UBE2G1: variants seen among roughly 807,000 people sequenced by gnomAD.
The protein encoded by UBE2G1 is ubiquitin conjugating enzyme E2 G1, also known as ubiquitin-conjugating enzyme E2 G1.
Under a neutral mutation model 22.7 loss-of-function variants are expected in UBE2G1, and 5 were observed. The ratio of observed to expected loss-of-function variants is 0.22; its 90% confidence interval spans 0.12 to 0.46. The LOEUF (loss-of-function observed/expected upper bound fraction) is 0.46, where lower values mean the gene tolerates loss of function less well. UBE2G1 is among the 20% of genes least tolerant of loss of function. The pLI is 0.99. For synonymous variants in UBE2G1, 74 were observed against 67.5 expected (o/e 1.10, Z -0.47); for missense variants, 88 against 203.9 (o/e 0.43, Z 3.46).
intron 1 of UBE2G1, among the ~76,000 whole-genome samples, chr17:4,323,917 A>C (rs1969473071): frequency 6.6e-6 from 1 of 152,174 alleles, no homozygotes; most frequent in Non-Finnish European, 1.5e-5. Flanking sequence ...TATTTAGAGC[A>C]TTTCATTTGC....
At chr17:4,341,364 T>C (rs1969710352) in intron 1 of UBE2G1, among the ~76,000 whole-genome samples, 1 of 152,168 alleles carries the variant, frequency 6.6e-6, no homozygotes, top group Non-Finnish European at 1.5e-5. Flanking sequence ...TATTTACTTC[T>C]CTACCTTCTC....
At chr17:4,296,082 TTC>T (rs1969106673) in intron 3 of UBE2G1, among the ~76,000 whole-genome samples, 1 of 151,666 alleles carries the variant, frequency 6.6e-6, no homozygotes, top group Non-Finnish European at 1.5e-5. Flanking sequence ...GTTTCATAAT[TTC>T]TGTGTTCTTT....
At chr17:4,349,522 A>C (rs1969818905) in intron 1 of UBE2G1, among the ~76,000 whole-genome samples, 1 of 144,242 alleles carries the variant, frequency 6.9e-6, no homozygotes, top group Non-Finnish European at 1.5e-5. Flanking sequence ...TAAAAAAAAA[A>C]CACGTCACAT....
intron 1 of UBE2G1, among the ~76,000 whole-genome samples, chr17:4,356,733 G>A (rs1442023561): frequency 1.3e-5 from 2 of 152,076 alleles, no homozygotes; most frequent in East Asian, 1.9e-4. Flanking sequence ...AAATTAAGAC[G>A]GAATTTCTGT....
At chr17:4,334,270 T>C (rs1191952172) in intron 1 of UBE2G1, among the ~76,000 whole-genome samples, 1 of 149,526 alleles carries the variant, frequency 6.7e-6, no homozygotes, top group Non-Finnish European at 1.5e-5. Context: ...ATTCACTGAA[T>C]GAAAAAAAAA....
chr17:4,328,523 T>C (rs899159605), intron 1 of UBE2G1, among the ~76,000 whole-genome samples: 7 of 152,212 alleles, frequency 4.6e-5, no homozygotes, highest in Admixed American at 4.6e-4. Flanking sequence ...CCCTGACTAC[T>C]GCAGAGGAGA....
At chr17:4,302,431 G>A in intron 2 of UBE2G1, 1 of 504,948 alleles carries the variant, frequency 2.0e-6, no homozygotes, top group Non-Finnish European at 4.1e-6. Flanking sequence ...GCCAACAGTG[G>A]CATCTGTAGT....
intron 2 of UBE2G1, among the ~76,000 whole-genome samples, chr17:4,302,919 C>T (rs1411502133): frequency 1.3e-5 from 2 of 152,098 alleles, no homozygotes; most frequent in African/African-American, 4.8e-5. Context: ...AAAGGCCAAC[C>T]AACAATGAAA....
intron 1 of UBE2G1, among the ~76,000 whole-genome samples, chr17:4,310,182 C>T (rs998306705): frequency 1.3e-5 from 2 of 152,164 alleles, no homozygotes; most frequent in Non-Finnish European, 2.9e-5. Context: ...TAGCCCCCTC[C>T]ATGAAGTCTT....
chr17:4,331,005 C>CACACACACACACACACAT (rs1969570728), intron 1 of UBE2G1, among the ~76,000 whole-genome samples: 1 of 151,868 alleles, frequency 6.6e-6, no homozygotes, highest in African/African-American at 2.4e-5. Flanking sequence ...CACACACACA[C>CACACACACACACACACAT]ACATTCCAAA....
intron 1 of UBE2G1, among the ~76,000 whole-genome samples, chr17:4,344,276 C>A (rs1419906296): frequency 6.6e-6 from 1 of 152,126 alleles, no homozygotes; most frequent in Non-Finnish European, 1.5e-5. Context: ...CGCGGTGGCT[C>A]GCGCCTGTAA....
chr17:4,332,700 ATC>A (rs1185884125), intron 1 of UBE2G1, among the ~76,000 whole-genome samples: 26 of 152,270 alleles, frequency 1.7e-4, no homozygotes, highest in Admixed American at 1.2e-3. Context: ...TTTAACCAGC[ATC>A]TCTCTCCAAC....
Position 4,303,050 on chromosome 17 carries a change from TTTTC to T in UBE2G1, c.149+3967_149+3970del, listed in dbSNP as rs377673945. On this transcript the variant is annotated intron_variant, in intron 2 of 5. Coordinates refer to ENST00000396981, the MANE Select transcript of UBE2G1 (RefSeq NM_003342.5). ...AAGTATGTGTCTAAGGGATACAGCC[TTTTC>T]TTTATCTTACAGCAGAAAAAAAAAA... Among the ~76,000 whole-genome samples the T allele has an allele frequency of 7.6e-4, 116 of 152,250 alleles. 3 individuals are homozygous for T. In the East Asian group the frequency reaches 0.016, roughly 21 times the overall value.
Position 4,327,532 on chromosome 17 carries a change from T to C in UBE2G1, c.47-20409A>G, listed in dbSNP as rs1002587376. Among the ~76,000 whole-genome samples, 5 of 151,018 alleles carry C rather than the reference T, an allele frequency of 3.3e-5. No individual in the cohort carries two copies. The South Asian group carries it at 6.3e-4, about 19-fold the overall frequency. On this transcript the variant is annotated intron_variant, in intron 1 of 5. Coordinates refer to ENST00000396981, the MANE Select transcript of UBE2G1 (RefSeq NM_003342.5). ...AGAAGTCAAACTCAGAGAGAGAAAA[T>C]AGAATGGGGGTTGCCAGGGGCTCAG...
chr17:4,325,414 A>G (rs1287126138), intron 1 of UBE2G1, among the ~76,000 whole-genome samples: 3 of 152,248 alleles, frequency 2.0e-5, no homozygotes, highest in Admixed American at 6.5e-5. Flanking sequence ...AAAATTGTAC[A>G]TATTTACATT....
intron 1 of UBE2G1, among the ~76,000 whole-genome samples, chr17:4,324,165 C>G (rs979270825): frequency 2.0e-5 from 3 of 152,308 alleles, no homozygotes; most frequent in Middle Eastern, 6.8e-3. Flanking sequence ...ATGGTATACA[C>G]AAGCTTCATC....
chr17:4,338,928 C>T (rs943864251), intron 1 of UBE2G1, among the ~76,000 whole-genome samples: 2 of 152,176 alleles, frequency 1.3e-5, no homozygotes, highest in African/African-American at 4.8e-5. Flanking sequence ...CTAGTGCCTA[C>T]TGACCGAGCA....
chr17:4,307,382 A>G (rs1213347087), intron 1 of UBE2G1, among the ~76,000 whole-genome samples: 1 of 152,138 alleles, frequency 6.6e-6, no homozygotes, highest in Non-Finnish European at 1.5e-5. Flanking sequence ...GTGGCCCTAC[A>G]GTGGTCTTTT....
intron 5 of UBE2G1, among the ~76,000 whole-genome samples, chr17:4,279,357 C>CACTGTGT (rs756901484): frequency 6.6e-6 from 1 of 151,320 alleles, no homozygotes; most frequent in Non-Finnish European, 1.5e-5. Flanking sequence ...ACATAACAGG[C>CACTGTGT]ACTGTGTACC....
Sources: allele counts gnomAD v4.1 joint callset (sites outside exome capture counted in the v4.1 genomes callset), GRCh38; gene constraint gnomAD v4.1.1; transcripts MANE v1.5; gene names NCBI Gene and HGNC (gene_info 2026-07-23, HGNC 2026-07-21).